Variants in CDK14 observed in about 807,000 individuals in gnomAD.
CDK14 encodes cyclin dependent kinase 14, also known as cyclin-dependent kinase 14.
In CDK14, 34 loss-of-function variants were observed where a neutral mutation model predicts 60.7. That is an observed-to-expected ratio of 0.56 (90% confidence interval 0.43 to 0.75). The LOEUF is 0.75. Among genes scored for constraint, CDK14 ranks in the 30% least tolerant of loss-of-function variants. CDK14 has a pLI of 0.00. For missense variants in CDK14, 482 were observed against 564.1 expected, an observed-to-expected ratio of 0.85 and a Z score of 1.47; for synonymous variants, 197 against 203.7, an observed-to-expected ratio of 0.97 and a Z score of 0.28.
At chr7:90,770,622 C>G (rs1562761287) in intron 4 of CDK14, among the ~76,000 whole-genome samples, 1 of 152,160 alleles carries the variant, frequency 6.6e-6, no homozygotes, top group Non-Finnish European at 1.5e-5. Flanking sequence ...CATCCACATC[C>G]CTCTGGAGTC....
At chr7:90,689,994 C>G (rs901605684) in intron 2 of CDK14, among the ~76,000 whole-genome samples, 1 of 151,966 alleles carries the variant, frequency 6.6e-6, no homozygotes. Flanking sequence ...ACTTACATTA[C>G]GAAGACTAAC....
intron 14 of CDK14, among the ~76,000 whole-genome samples, chr7:91,121,482 C>T (rs539503685): frequency 6.0e-4 from 91 of 152,214 alleles, no homozygotes; most frequent in Non-Finnish European, 4.6e-4. Flanking sequence ...ATTTTTCTTC[C>T]AAACCTCAAT....
At chr7:91,008,127 C>CAAA (rs56082719) in intron 10 of CDK14, among the ~76,000 whole-genome samples, 2,615 of 62,414 alleles carry the variant, frequency 0.042, 341 homozygotes, top group Non-Finnish European at 0.061. Context: ...GGGAGAAGGC[C>CAAA]AAAAAAAAAA....
chr7:91,141,120 G>T (rs765832144), intron 14 of CDK14, among the ~76,000 whole-genome samples: 1 of 152,178 alleles, frequency 6.6e-6, no homozygotes, highest in Non-Finnish European at 1.5e-5. Flanking sequence ...AGTGTGTCAC[G>T]TGCAGGGGAT....
intron 14 of CDK14, among the ~76,000 whole-genome samples, chr7:91,175,230 T>C (rs1212162436): frequency 6.6e-6 from 1 of 151,784 alleles, no homozygotes; most frequent in Non-Finnish European, 1.5e-5. Flanking sequence ...GAAGGAGAAA[T>C]AAAATAGTTT....
At chr7:90,973,918 C>T (rs1430818141) in intron 9 of CDK14, among the ~76,000 whole-genome samples, 1 of 152,102 alleles carries the variant, frequency 6.6e-6, no homozygotes, top group African/African-American at 2.4e-5. Context: ...CGAGAGCAGA[C>T]AACCGGTCTG....
At chr7:90,748,390 C>A (rs1391156636) in intron 4 of CDK14, among the ~76,000 whole-genome samples, 1 of 152,180 alleles carries the variant, frequency 6.6e-6, no homozygotes, top group Non-Finnish European at 1.5e-5. Flanking sequence ...GATTGACCTC[C>A]TTACTCTCCC....
chr7:90,777,332 T>C (rs1805092296), intron 4 of CDK14, among the ~76,000 whole-genome samples: 1 of 152,144 alleles, frequency 6.6e-6, no homozygotes, highest in Admixed American at 6.5e-5. Context: ...CTTTCAACTA[T>C]GAGGACACTC....
chr7:90,921,627 A>G (rs1793255818), intron 8 of CDK14, among the ~76,000 whole-genome samples: 1 of 152,200 alleles, frequency 6.6e-6, no homozygotes, highest in Admixed American at 6.5e-5. Flanking sequence ...TAAGTGGAGT[A>G]TTAGTCATGT....
At chr7:91,058,420 C>G (rs897860393) in intron 11 of CDK14, among the ~76,000 whole-genome samples, 8 of 152,256 alleles carry the variant, frequency 5.3e-5, no homozygotes, top group East Asian at 3.9e-4. Context: ...CCTGATTGCC[C>G]TGGCCAGAAC....
chr7:91,205,321 G>T (rs1357347054), intron 14 of CDK14, among the ~76,000 whole-genome samples: 1 of 152,176 alleles, frequency 6.6e-6, no homozygotes, highest in South Asian at 2.1e-4. Flanking sequence ...TAAACAAACT[G>T]TGGTATATTC....
chr7:90,905,052 G>T (rs1792648752), intron 7 of CDK14, among the ~76,000 whole-genome samples: 1 of 152,108 alleles, frequency 6.6e-6, no homozygotes, highest in Non-Finnish European at 1.5e-5. Flanking sequence ...GATACTTGAG[G>T]ATATACTCCA....
chr7:91,006,406 C>CT (rs1795979554), intron 10 of CDK14, among the ~76,000 whole-genome samples: 1 of 152,160 alleles, frequency 6.6e-6, no homozygotes, highest in African/African-American at 2.4e-5. Flanking sequence ...TGCTCATTTT[C>CT]TTTTTTCAGA....
At chr7:91,083,197 G>A (rs2116236081) in intron 12 of CDK14, among the ~76,000 whole-genome samples, 1 of 151,558 alleles carries the variant, frequency 6.6e-6, no homozygotes, top group Middle Eastern at 3.4e-3. Context: ...ACTTCTTCTT[G>A]TAATATTTTC....
intron 6 of CDK14, among the ~76,000 whole-genome samples, chr7:90,880,863 G>GA (rs1791726773): frequency 4.6e-5 from 7 of 152,138 alleles, no homozygotes. Context: ...ACTACTGAAA[G>GA]AAAAACAAGC....
At chr7:91,045,360 T>C (rs1259970435) in intron 10 of CDK14, among the ~76,000 whole-genome samples, 1 of 152,208 alleles carries the variant, frequency 6.6e-6, no homozygotes, top group East Asian at 1.9e-4. Flanking sequence ...AGAACATTAT[T>C]TTGGCAAAAG....
At chr7:90,684,517 T>C (rs559754801) in intron 2 of CDK14, among the ~76,000 whole-genome samples, 2 of 152,330 alleles carry the variant, frequency 1.3e-5, no homozygotes, top group East Asian at 3.9e-4. Flanking sequence ...TGAATGTCAG[T>C]AACAGTAACA....
intron 11 of CDK14, among the ~76,000 whole-genome samples, chr7:91,075,096 A>G (rs1798259305): frequency 6.6e-6 from 1 of 152,192 alleles, no homozygotes; most frequent in African/African-American, 2.4e-5. Context: ...TTCTGAAACT[A>G]TTCCAAACAA....
intron 6 of CDK14, among the ~76,000 whole-genome samples, chr7:90,879,407 A>G (rs1438312125): frequency 6.6e-6 from 1 of 152,134 alleles, no homozygotes; most frequent in Non-Finnish European, 1.5e-5. Flanking sequence ...TAAAAATTCC[A>G]TGCTCATCTT....
Sources: allele counts gnomAD v4.1 joint callset (sites outside exome capture counted in the v4.1 genomes callset), GRCh38; gene constraint gnomAD v4.1.1; transcripts MANE v1.5; gene names NCBI Gene and HGNC (gene_info 2026-07-23, HGNC 2026-07-21).